LAP3: variants seen among roughly 807,000 people sequenced by gnomAD.
LAP3 encodes the protein cytosol aminopeptidase.
LAP3 carries 46 observed loss-of-function variants against 58.8 expected under a neutral mutation model. The ratio of observed to expected loss-of-function variants is 0.78; its 90% CI spans 0.62 to 1.00. LAP3 has a LOEUF of 1.00. Among genes scored for constraint, LAP3 ranks in the 50% least tolerant of loss-of-function variants. The pLI, the probability that LAP3 is intolerant of heterozygous loss-of-function variation, is 0.00. For missense variants in LAP3, 615 were observed against 659.1 expected (o/e 0.93, Z 0.73); for synonymous variants, 257 against 237.7 (o/e 1.08, Z -0.75).
At chr4:17,578,110 C>T (rs1323581228) in intron 1 of LAP3, among the ~76,000 whole-genome samples, 2 of 152,178 alleles carry the variant, frequency 1.3e-5, no homozygotes, top group Non-Finnish European at 2.9e-5. Flanking sequence ...AAAGTGAACT[C>T]CAAAAAATTA....
In LAP3 at chr4:17,598,538, T is replaced by A. The variant is rs746617432; in HGVS notation, c.1160T>A (p.Leu387His). 111 of 1,613,792 alleles carry A rather than the reference T, an allele frequency of 6.9e-5. No homozygotes were observed. The highest frequency in any genetic ancestry group is 1.5e-4 in the Admixed American group (9 of 60,000). Residue 387 changes from leucine (L) to histidine (H), a missense_variant, in exon 10 of 13, where the codon CTC (leucine) becomes CAC (histidine). Leu to His is a moderately conservative substitution (Grantham distance 99). Transcript: ENST00000226299. Reference protein sequence around the residue: ...YAHTFNPKVILNAATLTGAMD... With the variant: ...YAHTFNPKVIHNAATLTGAMD... ...CACACGTTTAACCCGAAGGTCATCCTCAATGCCGCCACCTTAACAGGTCAG... is the reference window on the plus strand; with the variant it reads ...CACACGTTTAACCCGAAGGTCATCCACAATGCCGCCACCTTAACAGGTCAG...
rs532015213 is a variant in LAP3 at position 17,599,035 on chromosome 4, G to T, written c.1180+477G>T. ...TTACAGGCATGAGTCACTGTGCCTGGCCTAATTTTTATATTTTAGTAGAGA... is the reference window on the plus strand; with the variant it reads ...TTACAGGCATGAGTCACTGTGCCTGTCCTAATTTTTATATTTTAGTAGAGA... On this transcript the variant is annotated intron_variant, in intron 10 of 12. Coordinates refer to ENST00000226299, the MANE Select transcript of LAP3 (RefSeq NM_015907.3). Among the ~76,000 whole-genome samples the T allele has an allele frequency of 4.0e-4, 61 of 152,068 alleles. No homozygotes were observed. In the East Asian group the frequency reaches 8.7e-3, roughly 22 times the overall value.
chr4:17,581,882 T>C (rs987608436), intron 3 of LAP3, 68 bp downstream of exon 3: 1 of 1,184,106 alleles, frequency 8.4e-7, no homozygotes, highest in African/African-American at 1.5e-5. Flanking sequence ...GTATTGGGGC[T>C]GTCTAGTCAT....
At chr4:17,581,641 G>GA in intron 2 of LAP3, 119 bp from the exon 3 acceptor site, 1 of 695,766 alleles carries the variant, frequency 1.4e-6, no homozygotes, top group Non-Finnish European at 2.5e-6. Context: ...AAACATAAGT[G>GA]AAAAAGACCA....
rs770445108 is a variant in LAP3 at position 17,584,933 on chromosome 4, A to G, written c.540-39A>G. The G allele has an allele frequency of 2.6e-5, 41 of 1,602,636 alleles. 2 individuals are homozygous for G. The South Asian group carries it at 4.5e-4, about 18-fold the overall frequency. ...AGTTGGCAGGCAGTCAGCGTTCTTGAGAGGTTGTTTGACAGTCACTTTATC... is the reference window on the plus strand; with the variant it reads ...AGTTGGCAGGCAGTCAGCGTTCTTGGGAGGTTGTTTGACAGTCACTTTATC... On this transcript the variant is annotated intron_variant, in intron 5 of 12. Transcript: ENST00000226299.
chr4:17,600,946 A>C (rs780322875), intron 10 of LAP3, among the ~76,000 whole-genome samples: 2 of 152,226 alleles, frequency 1.3e-5, no homozygotes, highest in Non-Finnish European at 2.9e-5. Flanking sequence ...ATACAGGTTG[A>C]TGTCCATGGC....
At position 17,606,484 on chromosome 4, in the gene LAP3, G is replaced by A. The variant is rs536601975; in HGVS notation, c.1261-345G>A. ...CTCCGGAGTAGCTGGGACTACAGGCGCGCACCACCACGCCCAGCTAATTTT... is the reference window on the plus strand; with the variant it reads ...CTCCGGAGTAGCTGGGACTACAGGCACGCACCACCACGCCCAGCTAATTTT... On this transcript the variant is annotated intron_variant, in intron 11 of 12. Coordinates refer to ENST00000226299, the MANE Select transcript of LAP3 (RefSeq NM_015907.3). 7.1e-4 allele frequency among the ~76,000 whole-genome samples: 108 copies of A among 152,100 alleles called. 2 individuals carry two copies. The South Asian group carries it at 0.021, about 29-fold the overall frequency.
rs1312932879 is a variant in LAP3, at chr4:17,577,432, G to T, written c.-34G>T. 1.3e-6 allele frequency: 2 copies of T among 1,488,126 alleles called. No individual in the cohort carries two copies. Among genetic ancestry groups the T allele is most frequent in the South Asian group, 1.2e-5 (1 of 80,010 alleles). The allele number at this position is 1,488,126 out of a possible 1,614,324, so 92.2% of individuals were successfully genotyped here. Reference sequence around the variant, plus strand: ...CCCGCCCACCGCTCTCCACGTGCTCGCTGGAGGGCGGTGCGAGGGGCCGAG... The same window carrying T: ...CCCGCCCACCGCTCTCCACGTGCTCTCTGGAGGGCGGTGCGAGGGGCCGAG... On this transcript the variant is annotated 5_prime_UTR_variant, in exon 1 of 13. Coordinates refer to ENST00000226299, the MANE Select transcript of LAP3 (RefSeq NM_015907.3).
At chr4:17,589,707 C>T (rs1178215963) in intron 7 of LAP3, among the ~76,000 whole-genome samples, 1 of 152,192 alleles carries the variant, frequency 6.6e-6, no homozygotes, top group Non-Finnish European at 1.5e-5. Context: ...AATCCTCCCA[C>T]CTCAGCCTCC....
At chr4:17,587,433 T>TTTG (rs1240065362) in intron 6 of LAP3, 1 of 23,002 alleles carries the variant, frequency 4.3e-5, no homozygotes, top group African/African-American at 1.1e-4. Flanking sequence ...GTTGTTGTTT[T>TTTG]TTTTTTTTTT....
Position 17,595,423 on chromosome 4 carries a change from A to T in LAP3, c.877A>T (p.Ile293Phe). 6.2e-7 allele frequency: 1 copy of T among 1,613,968 alleles called. No individual in the cohort carries two copies. The highest frequency in any genetic ancestry group is 8.5e-7 in the Non-Finnish European group (1 of 1,179,946). Residue 293 changes from isoleucine to phenylalanine, a missense_variant, in exon 8 of 13, where the codon ATC (isoleucine) becomes TTC (phenylalanine). Transcript: ENST00000226299. ...ATTTCCCCATAGTGGTGGTATCTCC[A>T]TCAAGGCTTCTGCAAATATGGACCT... ...GITFDSGGIS[I>F]KASANMDLMR...
At chr4:17,578,947 G>A (rs1713281706) in intron 1 of LAP3, among the ~76,000 whole-genome samples, 1 of 152,160 alleles carries the variant, frequency 6.6e-6, no homozygotes, top group Admixed American at 6.5e-5. Context: ...AGGATTGTAG[G>A]GGAGGAAAAT....
At chr4:17,586,084 T>C (rs1334345514) in intron 6 of LAP3, 1 of 152,226 alleles carries the variant, frequency 6.6e-6, no homozygotes, top group Non-Finnish European at 1.5e-5. Context: ...GACTCCAGCA[T>C]TGGTGCTCCC....
chr4:17,591,376 C>CAA lies in LAP3; in HGVS notation c.863+2399_863+2400insAA, dbSNP rs1488064852. Among the ~76,000 whole-genome samples, 4 of 150,328 alleles carry CAA rather than the reference C, an allele frequency of 2.7e-5. No individual in the cohort carries two copies. In the East Asian group the frequency reaches 8.0e-4, roughly 30 times the overall value. Reference sequence around the variant, plus strand: ...CAGGCTCGTCTCAAACTCCTGATCTCGTGATCCCCCCACCTTGGCCTCCCA... The same window carrying CAA: ...CAGGCTCGTCTCAAACTCCTGATCTCAAGTGATCCCCCCACCTTGGCCTCCCA... On this transcript the variant is annotated intron_variant, in intron 7 of 12. Coordinates refer to ENST00000226299, the MANE Select transcript of LAP3 (RefSeq NM_015907.3).
chr4:17,581,700 C>T (rs548723098), intron 2 of LAP3, 60 bp from the exon 3 acceptor site: 10 of 1,314,264 alleles, frequency 7.6e-6, no homozygotes, highest in Non-Finnish European at 1.1e-5. Flanking sequence ...TGTAAGTGTG[C>T]CTTCCCAAGT....
At chr4:17,590,902 A>C (rs1320713882) in intron 7 of LAP3, among the ~76,000 whole-genome samples, 1 of 150,706 alleles carries the variant, frequency 6.6e-6, no homozygotes, top group African/African-American at 2.4e-5. Context: ...CAATACAGCA[A>C]ACACAATTTA....
At chr4:17,603,806 G>A (rs1336190214) in intron 10 of LAP3, among the ~76,000 whole-genome samples, 5 of 142,820 alleles carry the variant, frequency 3.5e-5, no homozygotes, top group Non-Finnish European at 6.0e-5. Context: ...GAGGCATTGC[G>A]CCTGGCCTTT....
At chr4:17,604,804 CA>C (rs1036304949) in intron 11 of LAP3, 137 bp downstream of exon 11, 16 of 684,580 alleles carry the variant, frequency 2.3e-5, no homozygotes, top group Non-Finnish European at 3.8e-5. Context: ...AAATGAACCA[CA>C]GCAATAGATT....
At position 17,577,488 on chromosome 4, in the gene LAP3, C is replaced by T. The variant is rs1169553180; in HGVS notation, c.23C>T (p.Ala8Val). The change falls in exon 1 of 13, where the codon GCT (alanine) becomes GTT (valine). Residue 8 changes from alanine to valine, a missense_variant. Transcript: ENST00000226299. ...AAGATGTTCTTGCTGCCTCTTCCGGCTGCGGGGCGAGTAGTCGTCCGACGT... is the reference window on the plus strand; with the variant it reads ...AAGATGTTCTTGCTGCCTCTTCCGGTTGCGGGGCGAGTAGTCGTCCGACGT... MFLLPLP[A>V]AGRVVVRRLA... 5 of 1,582,650 alleles carry T rather than the reference C, an allele frequency of 3.2e-6. No homozygotes were observed. The highest frequency in any genetic ancestry group is 3.6e-5 in the Admixed American group (2 of 56,020).
Sources: gnomAD v4.1 joint callset for allele counts (sites outside exome capture counted in the v4.1 genomes callset) on GRCh38, gnomAD v4.1.1 for gene constraint, MANE v1.5 for transcripts, NCBI Gene and HGNC (gene_info 2026-07-23, HGNC 2026-07-21) for gene names.